The following SLCO1C1 variants were observed in gnomAD, a reference collection of about 807,000 sequenced individuals.
SLCO1C1 encodes solute carrier organic anion transporter family member 1C1.
A neutral mutation model predicts 76.4 loss-of-function variants in SLCO1C1; 70 were observed. That is an observed-to-expected ratio of 0.92 (90% CI 0.76 to 1.12). The LOEUF (loss-of-function observed/expected upper bound fraction) is 1.12. Ranked by LOEUF, SLCO1C1 falls within the 50% of genes most tolerant of loss-of-function variation. The pLI is 0.00. For missense variants in SLCO1C1, 912 were observed against 823.8 expected (o/e 1.11, Z -1.31); for synonymous variants, 306 against 286.1 (o/e 1.07, Z -0.70).
chr12:20,720,380 C>T (rs995480316), intron 7 of SLCO1C1, among the ~76,000 whole-genome samples: 4 of 152,086 alleles, frequency 2.6e-5, no homozygotes, highest in Admixed American at 1.3e-4. Flanking sequence ...ATTTAAGAAA[C>T]GTATTTCACA....
At chr12:20,724,120 C>T (rs1476867028) in intron 9 of SLCO1C1, among the ~76,000 whole-genome samples, 3 of 151,788 alleles carry the variant, frequency 2.0e-5, no homozygotes, top group Non-Finnish European at 4.4e-5. Flanking sequence ...GTTAAGGTTA[C>T]GTTACTGAAC....
chr12:20,706,960 A>T (rs963149374), intron 4 of SLCO1C1, among the ~76,000 whole-genome samples: 1 of 152,188 alleles, frequency 6.6e-6, no homozygotes, highest in African/African-American at 2.4e-5. Flanking sequence ...AGATCATTGT[A>T]TCAGGACAGT....
At chr12:20,722,073 A>G (rs377471285) in intron 8 of SLCO1C1, 24 bp downstream of exon 8, 1 of 1,603,160 alleles carries the variant, frequency 6.2e-7, no homozygotes, top group Non-Finnish European at 8.5e-7. Context: ...TTGATTTTGA[A>G]GTATTTTCAT....
Position 20,715,160 on chromosome 12 carries a change from C to G in SLCO1C1, c.551C>G (p.Ser184Cys), listed in dbSNP as rs1220752923. Reference protein sequence around the residue: ...ISNECEVDTSSSMWIYVFLGN... With the variant: ...ISNECEVDTSCSMWIYVFLGN... The stretch of plus-strand genomic sequence containing the variant: ...CAAGAATGTGAAGTGGACACTAGCT[C>G]TTCCATGTGGATTTATGTTTTCCTG... The change falls in exon 6 of 15, where the codon TCT becomes TGT. Residue 184 changes from serine (S) to cysteine (C), a missense_variant. By Grantham distance (112) the Ser-to-Cys change is moderately radical. Transcript: ENST00000266509. 6.2e-7 allele frequency: 1 copy of G among 1,614,026 alleles called. No homozygotes were observed. Among genetic ancestry groups the G allele is most frequent in the Admixed American group, 1.7e-5 (1 of 60,008 alleles).
chr12:20,723,219 A>G lies in SLCO1C1; in HGVS notation c.1151A>G (p.Tyr384Cys), dbSNP rs776722157. Reference sequence around the variant, plus strand: ...AAACCAAAGTACATTGAGCAGCAGTATGGACAGTCATCCTCCAGGGCCAAC... The same window carrying G: ...AAACCAAAGTACATTGAGCAGCAGTGTGGACAGTCATCCTCCAGGGCCAAC... ...TYKPKYIEQQ[Y>C]GQSSSRANFV... Residue 384 changes from tyrosine to cysteine, a missense_variant, in exon 9 of 15, where the codon TAT becomes TGT. Physicochemically the swap from Tyr to Cys is radical, Grantham distance 194. Coordinates refer to ENST00000266509, the MANE Select transcript of SLCO1C1 (RefSeq NM_017435.5). The G allele has an allele frequency of 1.9e-6, 3 of 1,613,820 alleles. No individual in the cohort carries two copies. The highest frequency in any genetic ancestry group is 2.5e-6 in the Non-Finnish European group (3 of 1,179,958).
intron 5 of SLCO1C1, among the ~76,000 whole-genome samples, chr12:20,713,126 C>G (rs978721323): frequency 1.4e-5 from 2 of 147,192 alleles, no homozygotes; most frequent in Non-Finnish European, 3.0e-5. Context: ...GTCGCCCAGG[C>G]TGGAGTGCAG....
At chr12:20,731,982 T>C (rs1465332775) in intron 9 of SLCO1C1, among the ~76,000 whole-genome samples, 2 of 152,190 alleles carry the variant, frequency 1.3e-5, no homozygotes, top group African/African-American at 4.8e-5. Flanking sequence ...TTAGAGACAT[T>C]CAAAGAATTA....
chr12:20,730,072 G>A (rs1394492642), intron 9 of SLCO1C1, among the ~76,000 whole-genome samples: 3 of 152,078 alleles, frequency 2.0e-5, no homozygotes, highest in Non-Finnish European at 4.4e-5. Flanking sequence ...TACACCTTGT[G>A]TTATTACTTC....
At chr12:20,742,279 T>G (rs1420925726) in intron 12 of SLCO1C1, among the ~76,000 whole-genome samples, 1 of 151,746 alleles carries the variant, frequency 6.6e-6, no homozygotes, top group East Asian at 1.9e-4. Context: ...TCATATTAAC[T>G]ATTGTGAATT....
intron 13 of SLCO1C1, among the ~76,000 whole-genome samples, chr12:20,750,468 G>A (rs1390438067): frequency 6.6e-6 from 1 of 152,120 alleles, no homozygotes; most frequent in South Asian, 2.1e-4. Flanking sequence ...TGCTTCTGGA[G>A]ATAAATAAAT....
intron 4 of SLCO1C1, among the ~76,000 whole-genome samples, chr12:20,707,852 G>A (rs918600348): frequency 4.6e-5 from 7 of 152,114 alleles, no homozygotes; most frequent in African/African-American, 1.7e-4. Flanking sequence ...AAGAAGGTCG[G>A]ACAACCAGAC....
Position 20,738,085 on chromosome 12 carries a change from A to C in SLCO1C1, c.1548+813A>C, listed in dbSNP as rs138647025. ...AGAGACAGGTCTCCTGTCTCTTCTT[A>C]TAAGGGCACTAAAATCACATTCATG... On this transcript the variant is annotated intron_variant, in intron 11 of 14. Transcript: ENST00000266509. 6.6e-5 allele frequency among the ~76,000 whole-genome samples: 10 copies of C among 152,152 alleles called. No homozygotes were observed. The East Asian group carries it at 2.0e-3, about 30-fold the overall frequency.
intron 9 of SLCO1C1, among the ~76,000 whole-genome samples, chr12:20,724,116 G>A (rs953536076): frequency 6.6e-6 from 1 of 151,820 alleles, no homozygotes; most frequent in Admixed American, 6.6e-5. Context: ...TGATGTTAAG[G>A]TTACGTTACT....
At chr12:20,696,493 A>T (rs1480217969) in intron 1 of SLCO1C1, among the ~76,000 whole-genome samples, 1 of 152,142 alleles carries the variant, frequency 6.6e-6, no homozygotes, top group Non-Finnish European at 1.5e-5. Flanking sequence ...TGCTCTCTCC[A>T]TTTAAAATCT....
intron 12 of SLCO1C1, 114 bp from the exon 13 acceptor site, chr12:20,743,191 A>T: frequency 1.0e-6 from 1 of 988,234 alleles, no homozygotes; most frequent in Non-Finnish European, 1.5e-6. Context: ...GTTCAACATA[A>T]ATGGCACTTG....
At chr12:20,748,894 G>C (rs1381088854) in intron 13 of SLCO1C1, among the ~76,000 whole-genome samples, 1 of 151,964 alleles carries the variant, frequency 6.6e-6, no homozygotes, top group Non-Finnish European at 1.5e-5. Flanking sequence ...TTTTAATTTT[G>C]GTCCCTTGGT....
At chr12:20,747,172 C>T (rs555291305) in intron 13 of SLCO1C1, among the ~76,000 whole-genome samples, 1 of 152,256 alleles carries the variant, frequency 6.6e-6, no homozygotes, top group Non-Finnish European at 1.5e-5. Context: ...TGCCTATAAT[C>T]CCAGCACTTT....
chr12:20,711,349 A>G lies in SLCO1C1; in HGVS notation c.405-37A>G, dbSNP rs2271655. The G allele has an allele frequency of 5.3e-5, 84 of 1,599,688 alleles. No homozygotes were observed. In the East Asian group the frequency reaches 1.9e-3, roughly 35 times the overall value. ...ACATAATATTCTTAGTATGATGTTA[A>G]TGAGTCTATCATGAAGAAAACATTC... On this transcript the variant is annotated intron_variant, in intron 4 of 14. Transcript: ENST00000266509.
intron 9 of SLCO1C1, among the ~76,000 whole-genome samples, chr12:20,723,642 G>A (rs574406354): frequency 5.4e-4 from 82 of 152,058 alleles, no homozygotes; most frequent in Non-Finnish European, 7.8e-4. Flanking sequence ...GTATTTTCGC[G>A]GTCAAAAAAC....
Sources: allele counts gnomAD v4.1 joint callset (sites outside exome capture counted in the v4.1 genomes callset), GRCh38; gene constraint gnomAD v4.1.1; transcripts MANE v1.5; gene names NCBI Gene and HGNC (gene_info 2026-07-23, HGNC 2026-07-21).